The following OR14A2 variants were observed in gnomAD, a reference collection of about 807,000 sequenced individuals.
OR14A2 encodes olfactory receptor 14A2.
For synonymous variants in OR14A2, 114 were observed against 58.6 expected (o/e 1.95, Z -4.32); for missense variants, 237 against 152.9 (o/e 1.55, Z -2.90).
exon 1 of OR14A2, chr1:247,723,353 C>G: frequency 1.4e-6 from 1 of 717,460 alleles, no homozygotes; most frequent in South Asian, 1.5e-5. Context: ...TTGGACTGAC[C>G]TTTAGTGGTA....
chr1:247,727,968 A>C (rs867885445), upstream of OR14A2, among the ~76,000 whole-genome samples: 4,526 of 142,562 alleles, frequency 0.032, 78 homozygotes, highest in Non-Finnish European at 0.05. Flanking sequence ...GACCAGATGG[A>C]TTCACAGCCG....
chr1:247,732,133 C>A, the OR14A2 span, among the ~76,000 whole-genome samples: 1 of 151,920 alleles, frequency 6.6e-6, no homozygotes, highest in East Asian at 1.9e-4. Context: ...CAGGGGTAAG[C>A]CAGAGATGTG....
the OR14A2 span, among the ~76,000 whole-genome samples, chr1:247,733,087 T>G: frequency 1.3e-4 from 20 of 152,270 alleles, no homozygotes; most frequent in South Asian, 4.1e-3. Context: ...CCTCAGGAGT[T>G]TCTTACTCTT....
At chr1:247,723,516 G>A in exon 1 of OR14A2, 1 of 717,898 alleles carries the variant, frequency 1.4e-6, no homozygotes, top group South Asian at 1.5e-5. Flanking sequence ...GAACATCACA[G>A]AAAAACTGTG....
At chr1:247,728,191 C>T (rs906192605), upstream of OR14A2, among the ~76,000 whole-genome samples, 1 of 152,050 alleles carries the variant, frequency 6.6e-6, no homozygotes, top group African/African-American at 2.4e-5. Context: ...TCTGGCAAAC[C>T]GAATCCAGCA....
the OR14A2 span, chr1:247,738,795 C>T: frequency 3.8e-6 from 3 of 780,672 alleles, no homozygotes; most frequent in African/African-American, 3.4e-5. Context: ...GTACTTTTTC[C>T]TCCGACATTT....
the OR14A2 span, among the ~76,000 whole-genome samples, chr1:247,743,649 T>C: frequency 6.6e-6 from 1 of 152,226 alleles, no homozygotes; most frequent in East Asian, 1.9e-4. Context: ...ATTGCCTTTT[T>C]TTGTGTGTTG....
exon 1 of OR14A2, chr1:247,723,756 G>C: frequency 1.4e-6 from 1 of 718,262 alleles, no homozygotes; most frequent in Non-Finnish European, 2.6e-6. Context: ...GTAGCTGGAA[G>C]GCACATCCTA....
rs186806563 is a variant in OR14A2, at chr1:247,723,597, A to G, written c.447T>C (p.Ile149=). 1.9e-4 allele frequency: 133 copies of G among 718,400 alleles called. 1 individual carries two copies. The Admixed American group carries it at 2.6e-3, about 14-fold the overall frequency. The allele number at this position is 718,400 out of a possible 1,614,324, so 44.5% of individuals were successfully genotyped here. The change falls in exon 1 of 1, where the codon ATT becomes ATC. Residue 149 remains isoleucine, a synonymous_variant. Coordinates refer to ENST00000366485, the Ensembl canonical transcript of OR14A2. ...TGTACGCAGTACCAAAGAGCCCTCC[A>G]ATGGCCCAGGAAACACTTGCCATTA...
At chr1:247,736,255 AAT>A in the OR14A2 span, among the ~76,000 whole-genome samples, 1 of 148,094 alleles carries the variant, frequency 6.8e-6, no homozygotes, top group African/African-American at 2.5e-5. Context: ...ATTTGTTGTT[AAT>A]ATGATATAGA....
chr1:247,732,911 C>T, the OR14A2 span, among the ~76,000 whole-genome samples: 1 of 152,094 alleles, frequency 6.6e-6, no homozygotes, highest in Admixed American at 6.6e-5. Context: ...AGTCTTTTTG[C>T]CTGGAGTGGT....
the OR14A2 span, among the ~76,000 whole-genome samples, chr1:247,736,348 G>A: frequency 6.6e-6 from 1 of 152,028 alleles, no homozygotes; most frequent in Non-Finnish European, 1.5e-5. Flanking sequence ...GGATTATTTT[G>A]TGTATTATAT....
At chr1:247,740,632 A>C in the OR14A2 span, among the ~76,000 whole-genome samples, 1 of 152,218 alleles carries the variant, frequency 6.6e-6, no homozygotes, top group African/African-American at 2.4e-5. Context: ...ACATTGTGAT[A>C]AATTATACAT....
upstream of OR14A2, among the ~76,000 whole-genome samples, chr1:247,728,144 C>T (rs921383045): frequency 5.3e-5 from 8 of 151,846 alleles, no homozygotes; most frequent in Non-Finnish European, 8.8e-5. Flanking sequence ...AGACCAATAT[C>T]CTTGATGAAC....
chr1:247,747,359 CTTTT>C, the OR14A2 span, among the ~76,000 whole-genome samples: 2 of 136,386 alleles, frequency 1.5e-5, no homozygotes, highest in Non-Finnish European at 3.2e-5. Flanking sequence ...AATGCGAAGA[CTTTT>C]TTTTTTTTTT....
chr1:247,727,888 C>G (rs1033411338), upstream of OR14A2, among the ~76,000 whole-genome samples: 1 of 146,302 alleles, frequency 6.8e-6, no homozygotes, highest in Non-Finnish European at 1.5e-5. Context: ...AGTTGAATCT[C>G]TGAATAGACC....
At chr1:247,728,924 A>G (rs1182895096), upstream of OR14A2, among the ~76,000 whole-genome samples, 2 of 152,056 alleles carry the variant, frequency 1.3e-5, no homozygotes, top group African/African-American at 4.8e-5. Context: ...TTCCTTCATA[A>G]ACTCCGTGTC....
the OR14A2 span, among the ~76,000 whole-genome samples, chr1:247,741,246 T>A: frequency 6.6e-6 from 1 of 152,220 alleles, no homozygotes; most frequent in Non-Finnish European, 1.5e-5. Context: ...TTTTTAAAAT[T>A]TGTTTAACAC....
At chr1:247,728,549 A>G (rs1660442406), upstream of OR14A2, among the ~76,000 whole-genome samples, 1 of 152,092 alleles carries the variant, frequency 6.6e-6, no homozygotes, top group Admixed American at 6.6e-5. Context: ...CTCCTATTCA[A>G]CATAGTGTTG....
Sources: gnomAD v4.1 joint callset for allele counts (sites outside exome capture counted in the v4.1 genomes callset) on GRCh38, gnomAD v4.1.1 for gene constraint, MANE v1.5 for transcripts, NCBI Gene and HGNC (gene_info 2026-07-23, HGNC 2026-07-21) for gene names.